The following RNF212 variants were observed in gnomAD, a reference collection of about 807,000 sequenced individuals.
RNF212 encodes the protein probable E3 SUMO-protein ligase RNF212.
In RNF212, 33 loss-of-function variants were observed where a neutral mutation model predicts 34.7. The ratio of observed to expected loss-of-function variants is 0.95; its 90% CI spans 0.72 to 1.27. The LOEUF (loss-of-function observed/expected upper bound fraction) is 1.27, where lower values mean the gene tolerates loss of function less well. Among genes scored for constraint, RNF212 ranks in the 50% most tolerant of loss-of-function variants. RNF212 has a pLI of 0.00. For synonymous variants in RNF212, 140 were observed against 136.1 expected, an observed-to-expected ratio of 1.03 and a Z score of -0.20; for missense variants, 377 against 362.2, an observed-to-expected ratio of 1.04 and a Z score of -0.33.
At chr4:1,082,580 G>A (rs1387160380) in intron 5 of RNF212, among the ~76,000 whole-genome samples, 3 of 152,234 alleles carry the variant, frequency 2.0e-5, no homozygotes, top group African/African-American at 7.2e-5. Context: ...TCCGCTCTGA[G>A]TCACCTCCTA....
chr4:1,063,373 A>C (rs900657491), intron 3 of RNF212, among the ~76,000 whole-genome samples: 3 of 152,246 alleles, frequency 2.0e-5, no homozygotes, highest in African/African-American at 7.2e-5. Flanking sequence ...AGAGCAACTC[A>C]TCACCTACAG....
rs1388249576 is a variant in RNF212, at chr4:1,081,730, G to C, written c.363-111C>G. The C allele has an allele frequency of 2.3e-5, 18 of 781,382 alleles. No homozygotes were observed. The South Asian group carries it at 2.9e-4, about 13-fold the overall frequency. 48.4% of individuals were successfully genotyped at this position (781,382 alleles called of 1,614,324 possible). On this transcript the variant is annotated intron_variant, in intron 5 of 9. Coordinates refer to ENST00000433731, the MANE Select transcript of RNF212 (RefSeq NM_001131034.4). ...CTGAATCAGTGAAATGTTCTTACTG[G>C]GTTTGCAAACGGCATTTCACATGAA...
chr4:1,070,487 G>A (rs12650326), downstream of RNF212, among the ~76,000 whole-genome samples: 384 of 61,828 alleles, frequency 6.2e-3, no homozygotes, highest in Middle Eastern at 0.031. Flanking sequence ...GTCAGCGTGG[G>A]TGCCTGGCCT....
rs757060752 is a variant in RNF212 at position 1,073,122 on chromosome 4, A to T, written c.646T>A (p.Cys216Ser). 3.7e-6 allele frequency: 6 copies of T among 1,614,130 alleles called. No homozygotes were observed. In the Admixed American group the frequency reaches 6.7e-5, roughly 18 times the overall value. Reference sequence around the variant, plus strand: ...CATGGTGAACCTCTGGAAATGACACACTCTCCGGGCACAGGGGGCTTAGAC... The same window carrying T: ...CATGGTGAACCTCTGGAAATGACACTCTCTCCGGGCACAGGGGGCTTAGAC... ...TLSKPPVPGE[C>S]VISRGSPCFC... Residue 216 changes from cysteine (C) to serine (S), a missense_variant, in exon 10 of 10, where the codon TGT becomes AGT. By Grantham distance (112) the Cys-to-Ser change is moderately radical. Coordinates refer to ENST00000433731, the MANE Select transcript of RNF212 (RefSeq NM_001131034.4).
chr4:1,094,029 G>A (rs1206580124), intron 3 of RNF212: 1 of 1,471,436 alleles, frequency 6.8e-7, no homozygotes, highest in Non-Finnish European at 9.0e-7. Flanking sequence ...GGGTGATTCA[G>A]GCTGTTTCAG....
intron 5 of RNF212, among the ~76,000 whole-genome samples, chr4:1,084,303 G>A (rs1267999780): frequency 1.3e-5 from 2 of 152,292 alleles, no homozygotes; most frequent in East Asian, 3.9e-4. Context: ...TTTAAAGGAG[G>A]AATTTGCAAA....
At chr4:1,094,043 C>G in intron 3 of RNF212, 1 of 1,374,634 alleles carries the variant, frequency 7.3e-7, no homozygotes, top group South Asian at 1.3e-5. Flanking sequence ...GTTTCAGAAG[C>G]AAGGAAGCTC....
chr4:1,113,386 G>C lies in RNF212; in HGVS notation c.79C>G (p.His27Asp), dbSNP rs1726131348. The C allele has an allele frequency of 6.2e-7, 1 of 1,600,850 alleles. No individual in the cohort carries two copies. Among genetic ancestry groups the C allele is most frequent in the Admixed American group, 1.7e-5 (1 of 58,830 alleles). The change falls in exon 1 of 10, where the codon CAC becomes GAC. Residue 27 changes from histidine (H) to aspartate (D), a missense_variant. Coordinates refer to ENST00000433731, the MANE Select transcript of RNF212 (RefSeq NM_001131034.4). ...TSCFSLTNCG[H>D]VYCDACLGKG... ...CCGAGGCAGGCGTCGCAGTACACGT[G>C]CCCGCAGTTGGTGAGGCTGAAGCAC... is the stretch of plus-strand genomic sequence containing the variant.
chr4:1,109,297 C>T (rs758804936), intron 1 of RNF212, among the ~76,000 whole-genome samples: 4 of 152,188 alleles, frequency 2.6e-5, no homozygotes, highest in Non-Finnish European at 5.9e-5. Flanking sequence ...CATGAGCCAC[C>T]ATGCCCAGCC....
At chr4:1,073,225 G>T in intron 9 of RNF212, 32 bp from the exon 10 acceptor site, 1 of 1,606,072 alleles carries the variant, frequency 6.2e-7, no homozygotes, top group Non-Finnish European at 8.5e-7. Context: ...AGCGTGTGGG[G>T]AGATGGCCTG....
chr4:1,088,383 A>C (rs1245577582), intron 4 of RNF212, among the ~76,000 whole-genome samples: 2 of 152,230 alleles, frequency 1.3e-5, no homozygotes, highest in Non-Finnish European at 2.9e-5. Context: ...AGAAATTTCT[A>C]AGCAGCAAAG....
At chr4:1,102,057 G>A (rs143367453) in intron 2 of RNF212, among the ~76,000 whole-genome samples, 51 of 152,208 alleles carry the variant, frequency 3.4e-4, no homozygotes, top group Middle Eastern at 6.8e-3. Flanking sequence ...TACATATACT[G>A]CAGGCAAAAA....
Position 1,073,172 on chromosome 4 carries a change from A to C in RNF212, c.596T>G (p.Phe199Cys). ...GRMGPHLTAS[F>C]CFIPWLTLSK... ...CAAGGTCAACCATGGGATGAAACAG[A>C]AAGAAGCTGTTAGATGTGGCCCTGC... The change falls in exon 10 of 10, where the codon TTC becomes TGC. Residue 199 changes from phenylalanine (F) to cysteine (C), a missense_variant. Physicochemically the swap from Phe to Cys is radical, Grantham distance 205. Coordinates refer to ENST00000433731, the MANE Select transcript of RNF212 (RefSeq NM_001131034.4). 1 of 1,613,994 alleles carries C rather than the reference A, an allele frequency of 6.2e-7. No individual in the cohort carries two copies. Among genetic ancestry groups the C allele is most frequent in the East Asian group, 2.2e-5 (1 of 44,884 alleles).
chr4:1,093,402 T>C, intron 3 of RNF212: 3 of 1,406,546 alleles, frequency 2.1e-6, no homozygotes, highest in Admixed American at 3.1e-5. Context: ...TATGTTACGT[T>C]GATATTAGAG....
chr4:1,056,861 C>G, intron 4 of RNF212: 1 of 987,976 alleles, frequency 1.0e-6, no homozygotes, highest in East Asian at 1.1e-4. Flanking sequence ...CTGCAGCAGG[C>G]TGGGGATGCT....
intron 3 of RNF212, among the ~76,000 whole-genome samples, chr4:1,065,502 CTG>C (rs1446359608): frequency 6.8e-6 from 1 of 148,144 alleles, no homozygotes; most frequent in Non-Finnish European, 1.5e-5. Context: ...GGGTCTCACT[CTG>C]TCAACCAGTC....
Position 1,085,867 on chromosome 4 carries a change from G to C in RNF212, c.362+29C>G, listed in dbSNP as rs201086172. On this transcript the variant is annotated intron_variant, in intron 5 of 9. Transcript: ENST00000433731. The stretch of plus-strand genomic sequence containing the variant: ...GCACATGGCAGTGGGTGCCTCGACT[G>C]CGCACTCACGGGGGGTGGGGCGCCT... The C allele has an allele frequency of 6.4e-6, 10 of 1,554,900 alleles. No individual in the cohort carries two copies. The Admixed American group carries it at 1.7e-4, about 26-fold the overall frequency.
intron 3 of RNF212, among the ~76,000 whole-genome samples, chr4:1,061,635 CACAG>C (rs1326223717): frequency 6.6e-6 from 1 of 152,150 alleles, no homozygotes; most frequent in Non-Finnish European, 1.5e-5. Flanking sequence ...GGAGCACAAC[CACAG>C]ACAGAGCAGC....
At chr4:1,100,463 A>G (rs902399753) in intron 2 of RNF212, 2 of 135,236 alleles carry the variant, frequency 1.5e-5, no homozygotes, top group African/African-American at 3.0e-5. Context: ...GCTGGATTGC[A>G]GTGGTGCGAT....
Sources: gnomAD v4.1 joint callset for allele counts (sites outside exome capture counted in the v4.1 genomes callset) on GRCh38, gnomAD v4.1.1 for gene constraint, MANE v1.5 for transcripts, NCBI Gene and HGNC (gene_info 2026-07-23, HGNC 2026-07-21) for gene names.